CERKL: variants seen among roughly 807,000 people sequenced by gnomAD.
The protein encoded by CERKL is ceramide kinase-like protein.
In CERKL, 61 loss-of-function variants were observed where a neutral mutation model predicts 63.4. The ratio of observed to expected loss-of-function variants is 0.96; its 90% CI spans 0.78 to 1.19. CERKL has a LOEUF of 1.19. CERKL is among the 50% of genes most tolerant of loss of function. CERKL has a pLI of 0.00. For missense variants in CERKL, 675 were observed against 655.5 expected, an observed-to-expected ratio of 1.03 and a Z score of -0.33; for synonymous variants, 250 against 230.5, an observed-to-expected ratio of 1.08 and a Z score of -0.77.
intron 1 of CERKL, among the ~76,000 whole-genome samples, chr2:181,645,987 T>C (rs573969110): frequency 1.3e-5 from 2 of 152,168 alleles, no homozygotes; most frequent in African/African-American, 2.4e-5. Context: ...CCAGGAAGTA[T>C]GTAGCAGATG....
chr2:181,565,696 C>CAT (rs1207832295), intron 4 of CERKL, among the ~76,000 whole-genome samples: 2 of 152,098 alleles, frequency 1.3e-5, no homozygotes, highest in Non-Finnish European at 2.9e-5. Context: ...AGAAGATCAT[C>CAT]ATATAGTTAT....
chr2:181,640,184 C>T lies in CERKL; in HGVS notation c.238+16585G>A, dbSNP rs551849434. 1.4e-4 allele frequency among the ~76,000 whole-genome samples: 22 copies of T among 152,240 alleles called. No individual in the cohort carries two copies. The South Asian group carries it at 4.6e-3, about 32-fold the overall frequency. On this transcript the variant is annotated intron_variant, in intron 1 of 12. Transcript: ENST00000410087. ...TTTCCTCATATTCTGGTTTGCATGC[C>T]AAAAGTTTGCAAATGGTTTAATGTC... is the stretch of plus-strand genomic sequence containing the variant.
intron 2 of CERKL, among the ~76,000 whole-genome samples, chr2:181,582,759 G>A (rs998737161): frequency 5.9e-5 from 9 of 151,926 alleles, no homozygotes; most frequent in African/African-American, 1.2e-4. Flanking sequence ...GGCCAGGCTC[G>A]TCTTGAACTC....
At chr2:181,595,720 A>G (rs1183511410) in intron 2 of CERKL, among the ~76,000 whole-genome samples, 1 of 152,216 alleles carries the variant, frequency 6.6e-6, no homozygotes, top group Non-Finnish European at 1.5e-5. Flanking sequence ...TTTATAAACT[A>G]AGAGATGATA....
chr2:181,606,847 G>A (rs13033911), intron 1 of CERKL, among the ~76,000 whole-genome samples: 25,371 of 151,922 alleles, frequency 0.17, 2,664 homozygotes, highest in East Asian at 0.28. Context: ...GTATTTTAGT[G>A]AAATGCTCTG....
chr2:181,654,568 G>A (rs1362717128), intron 1 of CERKL, among the ~76,000 whole-genome samples: 1 of 151,918 alleles, frequency 6.6e-6, no homozygotes, highest in Non-Finnish European at 1.5e-5. Context: ...CTTTTCTGAG[G>A]CAGCCAGTCA....
At chr2:181,553,487 A>C (rs1036775961) in intron 5 of CERKL, among the ~76,000 whole-genome samples, 1 of 152,238 alleles carries the variant, frequency 6.6e-6, no homozygotes, top group African/African-American at 2.4e-5. Flanking sequence ...AACATAATGT[A>C]ATGTCATGTG....
intron 2 of CERKL, among the ~76,000 whole-genome samples, chr2:181,590,015 T>C (rs368286930): frequency 2.6e-5 from 4 of 152,142 alleles, no homozygotes; most frequent in African/African-American, 9.6e-5. Context: ...AGAGAGGTTT[T>C]TCCCATGTTG....
intron 1 of CERKL, among the ~76,000 whole-genome samples, chr2:181,617,884 T>C (rs557162962): frequency 2.7e-4 from 41 of 152,358 alleles, no homozygotes; most frequent in African/African-American, 9.6e-4. Context: ...TAAAAGATGT[T>C]TCCTTTTCAG....
intron 3 of CERKL, among the ~76,000 whole-genome samples, chr2:181,570,596 A>G (rs1311081475): frequency 6.6e-6 from 1 of 152,184 alleles, no homozygotes; most frequent in Non-Finnish European, 1.5e-5. Flanking sequence ...GCTATTAGAT[A>G]AGATACTACC....
chr2:181,548,824 C>T lies in CERKL; in HGVS notation c.929G>A (p.Ser310Asn). The T allele has an allele frequency of 6.2e-7, 1 of 1,614,036 alleles. No homozygotes were observed. The highest frequency in any genetic ancestry group is 1.1e-5 in the South Asian group (1 of 91,084). ...HVQLVDVCTF[S>N]TAGKLLRFGF... is the part of the protein sequence containing the mutation. The stretch of plus-strand genomic sequence containing the variant: ...AAAGCGAAGAAGCTTGCCAGCGGTG[C>T]TGAAGGTGCAGACGTCGACCAGCTG... The change falls in exon 7 of 13, where the codon AGC becomes AAC. Residue 310 changes from serine to asparagine, a missense_variant. Coordinates refer to ENST00000410087, the MANE Select transcript of CERKL (RefSeq NM_201548.5).
chr2:181,591,204 T>A (rs1287201364), intron 2 of CERKL, among the ~76,000 whole-genome samples: 1 of 152,054 alleles, frequency 6.6e-6, no homozygotes, highest in African/African-American at 2.4e-5. Context: ...TTAAAAAACA[T>A]ACATATATGA....
At chr2:181,635,255 C>T (rs1031229877) in intron 1 of CERKL, among the ~76,000 whole-genome samples, 6 of 152,058 alleles carry the variant, frequency 3.9e-5, no homozygotes, top group African/African-American at 1.4e-4. Context: ...TGTAAAATGA[C>T]AGGTGTGTTA....
chr2:181,561,579 C>A (rs1374804229), intron 4 of CERKL, among the ~76,000 whole-genome samples: 1 of 152,044 alleles, frequency 6.6e-6, no homozygotes, highest in East Asian at 1.9e-4. Context: ...TTGAAATGGC[C>A]CTGCAAAGCT....
chr2:181,586,791 C>T (rs1034208285), intron 2 of CERKL, among the ~76,000 whole-genome samples: 1 of 152,168 alleles, frequency 6.6e-6, no homozygotes, highest in African/African-American at 2.4e-5. Flanking sequence ...CAAACAAAGG[C>T]TCATGAGAGC....
At chr2:181,584,843 T>C (rs1316615208) in intron 2 of CERKL, among the ~76,000 whole-genome samples, 1 of 151,854 alleles carries the variant, frequency 6.6e-6, no homozygotes, top group Non-Finnish European at 1.5e-5. Flanking sequence ...TTTTGTTTTT[T>C]TCAGAATAAA....
chr2:181,539,043 A>G lies in CERKL; in HGVS notation c.1538+49T>C, dbSNP rs1687354924. 7 of 1,275,736 alleles carry G rather than the reference A, an allele frequency of 5.5e-6. No individual in the cohort carries two copies. The South Asian group carries it at 8.4e-5, about 15-fold the overall frequency. 79.0% of individuals were successfully genotyped at this position (1,275,736 alleles called of 1,614,324 possible). A position where few individuals can be genotyped will look rare whatever the true frequency, so the allele number is the denominator to read the frequency against. On this transcript the variant is annotated intron_variant, in intron 12 of 12. Transcript: ENST00000410087. ...AGAAGAGAGCTTTCGTTGTAATATT[A>G]GATTTATGTTTACTGGTTGACAATA...
At chr2:181,562,267 C>T (rs1385737703) in intron 4 of CERKL, among the ~76,000 whole-genome samples, 1 of 152,158 alleles carries the variant, frequency 6.6e-6, no homozygotes, top group Non-Finnish European at 1.5e-5. Flanking sequence ...TGATATCCCG[C>T]CTCTCTGGGC....
chr2:181,618,659 G>A (rs543501490), intron 1 of CERKL, among the ~76,000 whole-genome samples: 23 of 152,140 alleles, frequency 1.5e-4, no homozygotes, highest in Admixed American at 8.5e-4. Flanking sequence ...TGATCCACCC[G>A]CCTCGGCCTC....
Sources: allele counts gnomAD v4.1 joint callset (sites outside exome capture counted in the v4.1 genomes callset), GRCh38; gene constraint gnomAD v4.1.1; transcripts MANE v1.5; gene names NCBI Gene and HGNC (gene_info 2026-07-23, HGNC 2026-07-21).